Variants in FOXN3 observed in about 807,000 individuals in gnomAD.
The protein encoded by FOXN3 is forkhead box protein N3.
Under a neutral mutation model 38.4 loss-of-function variants are expected in FOXN3, and 7 were observed. The observed-to-expected ratio is 0.18, with a 90% CI of 0.10 to 0.34. The LOEUF (loss-of-function observed/expected upper bound fraction) is 0.34, where lower values mean the gene tolerates loss of function less well. Among genes scored for constraint, FOXN3 ranks in the 10% least tolerant of loss-of-function variants. The pLI, the probability that FOXN3 is intolerant of heterozygous loss-of-function variation, is 1.00. For synonymous variants in FOXN3, 230 were observed against 242.2 expected (o/e 0.95, Z 0.47); for missense variants, 456 against 613.4 (o/e 0.74, Z 2.71).
At chr14:89,409,881 G>A in intron 2 of FOXN3, among the ~76,000 whole-genome samples, 1 of 152,204 alleles carries the variant, frequency 6.6e-6, no homozygotes, top group East Asian at 1.9e-4. Flanking sequence ...GAAGGAGAAA[G>A]AGCTTCATGG....
intron 4 of FOXN3, among the ~76,000 whole-genome samples, chr14:89,215,479 G>T (rs964457820): frequency 2.6e-5 from 4 of 151,844 alleles, no homozygotes; most frequent in African/African-American, 9.7e-5. Context: ...TTATATAAAA[G>T]GCTTCCACTA....
intron 1 of FOXN3, among the ~76,000 whole-genome samples, chr14:89,611,682 T>C (rs1194302364): frequency 1.3e-5 from 2 of 151,882 alleles, no homozygotes; most frequent in East Asian, 1.9e-4. Flanking sequence ...AGCGGGTGCC[T>C]GTAGTCCCAG....
intron 4 of FOXN3, among the ~76,000 whole-genome samples, chr14:89,199,444 T>C (rs1307510512): frequency 6.6e-6 from 1 of 152,028 alleles, no homozygotes; most frequent in Non-Finnish European, 1.5e-5. Context: ...AAAAAATGAA[T>C]CAAAGAGCAC....
At chr14:89,578,466 C>G (rs964847207) in intron 1 of FOXN3, among the ~76,000 whole-genome samples, 3 of 152,158 alleles carry the variant, frequency 2.0e-5, no homozygotes, top group East Asian at 3.9e-4. Context: ...TGACTCTCCC[C>G]CTGAGCTCCA....
intron 4 of FOXN3, among the ~76,000 whole-genome samples, chr14:89,197,537 A>C (rs2139815440): frequency 6.6e-6 from 1 of 151,978 alleles, no homozygotes; most frequent in South Asian, 2.1e-4. Context: ...ACATGGTCAG[A>C]TACATACACT....
At chr14:89,450,104 T>G (rs1892585809) in intron 1 of FOXN3, among the ~76,000 whole-genome samples, 1 of 152,164 alleles carries the variant, frequency 6.6e-6, no homozygotes. Context: ...CATTTTCTAC[T>G]CTGTAGGGGC....
intron 1 of FOXN3, among the ~76,000 whole-genome samples, chr14:89,461,340 A>G (rs1892845257): frequency 6.6e-6 from 1 of 151,908 alleles, no homozygotes; most frequent in Non-Finnish European, 1.5e-5. Flanking sequence ...CTGTCTCAAA[A>G]AAAAAAAAAA....
chr14:89,608,232 G>A (rs1367581457), intron 1 of FOXN3, among the ~76,000 whole-genome samples: 3 of 152,292 alleles, frequency 2.0e-5, no homozygotes, highest in Non-Finnish European at 2.9e-5. Flanking sequence ...TCCCGACCTC[G>A]TGATCTGCCC....
intron 3 of FOXN3, among the ~76,000 whole-genome samples, chr14:89,317,263 G>A (rs920866897): frequency 1.3e-5 from 2 of 152,194 alleles, no homozygotes; most frequent in Admixed American, 6.5e-5. Context: ...ACATTCAACA[G>A]CAGCTCACTC....
intron 2 of FOXN3, among the ~76,000 whole-genome samples, chr14:89,397,892 T>C (rs1272645103): frequency 1.3e-5 from 2 of 152,202 alleles, no homozygotes; most frequent in Admixed American, 6.5e-5. Context: ...CAGCAGGTCC[T>C]ATGGAAATGT....
intron 2 of FOXN3, among the ~76,000 whole-genome samples, chr14:89,360,647 T>C (rs1487537305): frequency 4.0e-5 from 6 of 150,870 alleles, no homozygotes; most frequent in Non-Finnish European, 7.4e-5. Flanking sequence ...CAAGAGCTGA[T>C]ACCCTCACAG....
chr14:89,486,532 G>C (rs138258331), intron 1 of FOXN3: 4 of 152,230 alleles, frequency 2.6e-5, no homozygotes, highest in African/African-American at 9.6e-5. Flanking sequence ...TGCAATCTAC[G>C]TAAAGCATGG....
chr14:89,385,036 C>T (rs921156150), intron 2 of FOXN3, among the ~76,000 whole-genome samples: 4 of 152,228 alleles, frequency 2.6e-5, no homozygotes, highest in Non-Finnish European at 4.4e-5. Flanking sequence ...TGGAATCTGC[C>T]GAGTTTCCAT....
intron 1 of FOXN3, among the ~76,000 whole-genome samples, chr14:89,465,092 C>T (rs553190609): frequency 5.9e-5 from 9 of 152,144 alleles, no homozygotes; most frequent in East Asian, 5.8e-4. Context: ...GCAGCCGCCA[C>T]GTGAAGAAGG....
chr14:89,397,471 T>G (rs1237933838), intron 2 of FOXN3, among the ~76,000 whole-genome samples: 2 of 147,598 alleles, frequency 1.4e-5, no homozygotes, highest in East Asian at 4.0e-4. Context: ...GAATCCCTGC[T>G]GTGGAGACCG....
intron 5 of FOXN3, among the ~76,000 whole-genome samples, chr14:89,177,756 T>C (rs1887561035): frequency 6.6e-6 from 1 of 152,126 alleles, no homozygotes; most frequent in Non-Finnish European, 1.5e-5. Context: ...TTGCAGTTTT[T>C]CCAGCACTTG....
chr14:89,327,353 T>C (rs1051137888), intron 3 of FOXN3, among the ~76,000 whole-genome samples: 6 of 152,224 alleles, frequency 3.9e-5, no homozygotes, highest in African/African-American at 7.2e-5. Context: ...GCTGCTGCCA[T>C]CTTTGGGGTT....
At chr14:89,331,314 T>A (rs11846548) in intron 3 of FOXN3, among the ~76,000 whole-genome samples, 8,635 of 152,284 alleles carry the variant, frequency 0.057, 644 homozygotes, top group African/African-American at 0.17. Context: ...TATTTGTCCT[T>A]TTGTATCTGG....
chr14:89,173,857 G>A (rs191973604), intron 5 of FOXN3, among the ~76,000 whole-genome samples: 3 of 152,188 alleles, frequency 2.0e-5, no homozygotes, highest in Admixed American at 6.5e-5. Flanking sequence ...CAGGAGTGGC[G>A]GTGAGTGCCT....
Sources: gnomAD v4.1 joint callset for allele counts (sites outside exome capture counted in the v4.1 genomes callset) on GRCh38, gnomAD v4.1.1 for gene constraint, MANE v1.5 for transcripts, NCBI Gene and HGNC (gene_info 2026-07-23, HGNC 2026-07-21) for gene names.